The following LRRTM4 variants were observed in gnomAD, a reference collection of about 807,000 sequenced individuals.
LRRTM4 encodes leucine-rich repeat transmembrane neuronal protein 4.
A neutral mutation model predicts 47.6 loss-of-function variants in LRRTM4; 25 were observed. The observed-to-expected ratio is 0.53, with a 90% CI of 0.38 to 0.73. LRRTM4 has a LOEUF of 0.73. LRRTM4 is among the 30% of genes least tolerant of loss of function. The probability of loss-of-function intolerance (pLI) is 0.00; values close to 1 mark genes in which losing one functional copy is unlikely to be tolerated. For missense variants in LRRTM4, 638 were observed against 713.4 expected, an observed-to-expected ratio of 0.89 and a Z score of 1.20; for synonymous variants, 311 against 269.5, an observed-to-expected ratio of 1.15 and a Z score of -1.51.
intron 3 of LRRTM4, among the ~76,000 whole-genome samples, chr2:77,488,960 T>A (rs1335797060): frequency 6.6e-6 from 1 of 151,104 alleles, no homozygotes; most frequent in East Asian, 2.0e-4. Context: ...GTAACAAACC[T>A]GCACATAGTG....
intron 3 of LRRTM4, among the ~76,000 whole-genome samples, chr2:76,943,305 G>A (rs542931722): frequency 6.6e-6 from 1 of 152,152 alleles, no homozygotes; most frequent in South Asian, 2.1e-4. Flanking sequence ...GCATGGTGGC[G>A]GGCGCCTGTG....
intron 3 of LRRTM4, among the ~76,000 whole-genome samples, chr2:77,508,681 A>G (rs987210237): frequency 5.3e-5 from 8 of 152,140 alleles, no homozygotes; most frequent in African/African-American, 1.9e-4. Flanking sequence ...AGTTTAAAAT[A>G]TATTACACTA....
intron 3 of LRRTM4, among the ~76,000 whole-genome samples, chr2:76,800,856 C>G (rs924987989): frequency 1.3e-5 from 2 of 150,708 alleles, no homozygotes; most frequent in Non-Finnish European, 3.0e-5. Flanking sequence ...TGAAAAAATG[C>G]TCATCATCAC....
At chr2:76,936,526 G>A (rs182072902) in intron 3 of LRRTM4, among the ~76,000 whole-genome samples, 1 of 149,830 alleles carries the variant, frequency 6.7e-6, no homozygotes, top group Admixed American at 6.7e-5. Flanking sequence ...CATGGCACGT[G>A]TATGCCTATG....
At chr2:77,134,982 A>C (rs1227377660) in intron 3 of LRRTM4, among the ~76,000 whole-genome samples, 2 of 134,590 alleles carry the variant, frequency 1.5e-5, no homozygotes, top group Non-Finnish European at 3.1e-5. Context: ...AAGAACACCC[A>C]ATACCTTCTG....
At chr2:76,786,479 GTTATAATTGAA>G (rs1674679936) in intron 3 of LRRTM4, among the ~76,000 whole-genome samples, 2 of 151,926 alleles carry the variant, frequency 1.3e-5, no homozygotes, top group African/African-American at 4.8e-5. Context: ...AAAAACAGTA[GTTATAATTGAA>G]TTAATAAGAA....
chr2:77,108,028 TA>T (rs1323637865), intron 3 of LRRTM4, among the ~76,000 whole-genome samples: 1 of 151,978 alleles, frequency 6.6e-6, no homozygotes, highest in African/African-American at 2.4e-5. Context: ...CAAAATTCAT[TA>T]AAAAAACTGA....
intron 3 of LRRTM4, among the ~76,000 whole-genome samples, chr2:77,030,084 A>C (rs1678600427): frequency 6.6e-6 from 1 of 152,210 alleles, no homozygotes; most frequent in Non-Finnish European, 1.5e-5. Flanking sequence ...GAAACAATAA[A>C]AACTTTTACA....
At chr2:76,956,202 A>T (rs1675670160) in intron 3 of LRRTM4, among the ~76,000 whole-genome samples, 1 of 151,810 alleles carries the variant, frequency 6.6e-6, no homozygotes, top group Non-Finnish European at 1.5e-5. Flanking sequence ...TAGGTCATAA[A>T]GCAAGGTTTA....
At chr2:77,151,594 G>T (rs1241429562) in intron 3 of LRRTM4, among the ~76,000 whole-genome samples, 1 of 152,182 alleles carries the variant, frequency 6.6e-6, no homozygotes, top group Non-Finnish European at 1.5e-5. Context: ...ATATTATTCA[G>T]CCTTAAAGAG....
chr2:77,206,919 C>T (rs1674142860), intron 3 of LRRTM4, among the ~76,000 whole-genome samples: 1 of 151,942 alleles, frequency 6.6e-6, no homozygotes, highest in African/African-American at 2.4e-5. Flanking sequence ...CTAATATAAA[C>T]TAGAACCCAA....
intron 3 of LRRTM4, among the ~76,000 whole-genome samples, chr2:77,307,675 A>G (rs1677324947): frequency 3.6e-5 from 2 of 56,160 alleles, no homozygotes; most frequent in Non-Finnish European, 5.0e-5. Context: ...ATAAATATAT[A>G]GATATATCTA....
intron 3 of LRRTM4, among the ~76,000 whole-genome samples, chr2:77,025,500 A>G (rs956657): frequency 0.12 from 18,845 of 152,154 alleles, 1,446 homozygotes; most frequent in Admixed American, 0.19. Flanking sequence ...GAAATGGCAA[A>G]GATTCTTATT....
chr2:77,047,881 A>G (rs1326426300), intron 3 of LRRTM4, among the ~76,000 whole-genome samples: 3 of 152,088 alleles, frequency 2.0e-5, no homozygotes, highest in Non-Finnish European at 4.4e-5. Context: ...GGGCATACTT[A>G]TTCTTTGTCA....
At chr2:76,946,551 G>A (rs919251982) in intron 3 of LRRTM4, among the ~76,000 whole-genome samples, 3 of 151,842 alleles carry the variant, frequency 2.0e-5, no homozygotes, top group African/African-American at 4.8e-5. Flanking sequence ...TGAGAGTGAA[G>A]TGGCAAATAC....
chr2:77,252,388 T>G (rs2104017247), intron 3 of LRRTM4, among the ~76,000 whole-genome samples: 2 of 152,218 alleles, frequency 1.3e-5, no homozygotes, highest in Admixed American at 1.3e-4. Flanking sequence ...CAAGGTCAAC[T>G]TAACCTCTGC....
At chr2:77,450,571 T>C (rs1386854312) in intron 3 of LRRTM4, among the ~76,000 whole-genome samples, 1 of 152,144 alleles carries the variant, frequency 6.6e-6, no homozygotes, top group Non-Finnish European at 1.5e-5. Context: ...ACCTAAGAAT[T>C]TAATAGGAGT....
intron 3 of LRRTM4, among the ~76,000 whole-genome samples, chr2:77,207,741 T>C (rs908729652): frequency 6.6e-6 from 1 of 152,074 alleles, no homozygotes; most frequent in Non-Finnish European, 1.5e-5. Context: ...AAACTATGTA[T>C]GATATGTTCC....
At chr2:76,872,425 C>T (rs1416956068) in intron 3 of LRRTM4, among the ~76,000 whole-genome samples, 2 of 151,932 alleles carry the variant, frequency 1.3e-5, no homozygotes, top group Non-Finnish European at 1.5e-5. Context: ...CTATATTGCT[C>T]TCTTTTTGAA....
Sources: allele counts gnomAD v4.1 joint callset (sites outside exome capture counted in the v4.1 genomes callset), GRCh38; gene constraint gnomAD v4.1.1; transcripts MANE v1.5; gene names NCBI Gene and HGNC (gene_info 2026-07-23, HGNC 2026-07-21).